The following STXBP5L variants were observed in gnomAD, a reference collection of about 807,000 sequenced individuals.
The protein encoded by STXBP5L is syntaxin binding protein 5L.
Under a neutral mutation model 144.5 loss-of-function variants are expected in STXBP5L, and 65 were observed. The observed-to-expected ratio is 0.45, with a 90% CI of 0.37 to 0.55. STXBP5L has a LOEUF of 0.55. Among genes scored for constraint, STXBP5L ranks in the 20% least tolerant of loss-of-function variants. The probability of loss-of-function intolerance (pLI) is 0.00; values close to 1 mark genes in which losing one functional copy is unlikely to be tolerated. For synonymous variants in STXBP5L, 505 were observed against 469.6 expected (o/e 1.08, Z -0.97); for missense variants, 1,298 against 1,405.5 (o/e 0.92, Z 1.22).
At chr3:121,186,735 C>T (rs1315896190) in intron 9 of STXBP5L, among the ~76,000 whole-genome samples, 1 of 152,058 alleles carries the variant, frequency 6.6e-6, no homozygotes, top group Non-Finnish European at 1.5e-5. Context: ...CAAACAACCC[C>T]ATCAACAAGT....
At chr3:121,263,840 G>C (rs956135164) in intron 18 of STXBP5L, among the ~76,000 whole-genome samples, 1 of 152,164 alleles carries the variant, frequency 6.6e-6, no homozygotes, top group Non-Finnish European at 1.5e-5. Context: ...TGTTTGATTG[G>C]TGTACCTGAA....
At chr3:121,016,343 T>C (rs1226381008) in intron 3 of STXBP5L, among the ~76,000 whole-genome samples, 5 of 152,160 alleles carry the variant, frequency 3.3e-5, no homozygotes, top group Non-Finnish European at 7.4e-5. Flanking sequence ...AGATTTAATG[T>C]AGAGATTAGA....
intron 5 of STXBP5L, among the ~76,000 whole-genome samples, chr3:121,054,096 T>G (rs1001459146): frequency 6.6e-6 from 1 of 152,074 alleles, no homozygotes; most frequent in African/African-American, 2.4e-5. Context: ...AAACAACAGG[T>G]GCTGGAGAGG....
At chr3:120,950,384 A>G (rs1436962109) in intron 2 of STXBP5L, among the ~76,000 whole-genome samples, 6 of 152,072 alleles carry the variant, frequency 3.9e-5, no homozygotes, top group African/African-American at 1.4e-4. Flanking sequence ...CTATATGTCT[A>G]TCCTTATGCC....
chr3:121,007,044 T>C (rs151026941), intron 3 of STXBP5L, among the ~76,000 whole-genome samples: 2,931 of 152,140 alleles, frequency 0.019, 100 homozygotes, highest in African/African-American at 0.067. Context: ...TTGCTCTTCT[T>C]GAGGAGTATC....
chr3:121,290,658 C>CA (rs2051404822), intron 19 of STXBP5L, among the ~76,000 whole-genome samples: 1 of 152,072 alleles, frequency 6.6e-6, no homozygotes, highest in Admixed American at 6.6e-5. Context: ...ATATCCTCAA[C>CA]AAAATACTAG....
intron 3 of STXBP5L, among the ~76,000 whole-genome samples, chr3:120,966,115 G>T (rs1939538709): frequency 6.6e-6 from 1 of 152,046 alleles, no homozygotes; most frequent in African/African-American, 2.4e-5. Context: ...TTGTGCCATG[G>T]TTTTCAGCTC....
At position 121,080,871 on chromosome 3, in the gene STXBP5L, T is replaced by A. The variant is rs999210282; in HGVS notation, c.471-34054T>A. The stretch of plus-strand genomic sequence containing the variant: ...TAATTTTTTTGTGATGAATTTCCCA[T>A]AAGTTATTTGAGCTTCTTGTATTTG... On this transcript the variant is annotated intron_variant, in intron 5 of 26. Coordinates refer to ENST00000471454, the MANE Select transcript of STXBP5L (RefSeq NM_001308330.2). 1.2e-4 allele frequency among the ~76,000 whole-genome samples: 18 copies of A among 152,296 alleles called. 1 individual carries two copies. Among genetic ancestry groups the A allele is most frequent in the South Asian group, 1.0e-3 (5 of 4,826 alleles).
chr3:121,210,521 A>G (rs1366355784), intron 10 of STXBP5L, among the ~76,000 whole-genome samples: 6 of 152,262 alleles, frequency 3.9e-5, no homozygotes, highest in African/African-American at 1.2e-4. Context: ...TATGTCCTGC[A>G]TGGTATTGCC....
intron 20 of STXBP5L, among the ~76,000 whole-genome samples, chr3:121,350,280 A>G (rs975894181): frequency 1.3e-5 from 2 of 152,134 alleles, no homozygotes; most frequent in African/African-American, 2.4e-5. Context: ...AATGTTGAAT[A>G]TTGGCCTCCA....
At chr3:121,061,616 G>C (rs2041282098) in intron 5 of STXBP5L, among the ~76,000 whole-genome samples, 1 of 152,122 alleles carries the variant, frequency 6.6e-6, no homozygotes, top group Admixed American at 6.5e-5. Context: ...TCTCTTTGTA[G>C]GTCTCTAAGA....
Position 121,109,855 on chromosome 3 carries a change from T to C in STXBP5L, c.471-5070T>C, listed in dbSNP as rs146158716. ...TATTGTGGGAGTCTAAATCTTTTTG[T>C]AGGTTTCTAAGAACTTGTTTTATAA... On this transcript the variant is annotated intron_variant, in intron 5 of 26. Transcript: ENST00000471454. Among the ~76,000 whole-genome samples, 192 of 152,342 alleles carry C rather than the reference T, an allele frequency of 1.3e-3. 2 individuals are homozygous for C. Among genetic ancestry groups the C allele is most frequent in the South Asian group, 3.9e-3 (19 of 4,832 alleles).
chr3:121,097,958 T>C (rs888256461), intron 5 of STXBP5L, among the ~76,000 whole-genome samples: 1 of 152,170 alleles, frequency 6.6e-6, no homozygotes, highest in African/African-American at 2.4e-5. Flanking sequence ...CAAGCAATAC[T>C]CCCATTTTTT....
At position 121,024,352 on chromosome 3, in the gene STXBP5L, T is replaced by C. The variant is rs186880691; in HGVS notation, c.288-17348T>C. On this transcript the variant is annotated intron_variant, in intron 3 of 26. Transcript: ENST00000471454. ...TATGCCATTAGGGAATTAGGATGGGTCTAGAGTGGCTTTACTTTAGGAATT... is the reference window on the plus strand; with the variant it reads ...TATGCCATTAGGGAATTAGGATGGGCCTAGAGTGGCTTTACTTTAGGAATT... 3.3e-5 allele frequency among the ~76,000 whole-genome samples: 5 copies of C among 152,288 alleles called. No individual in the cohort carries two copies. The East Asian group carries it at 9.7e-4, about 29-fold the overall frequency.
chr3:121,386,975 G>T (rs568237553), intron 22 of STXBP5L, among the ~76,000 whole-genome samples: 2 of 152,238 alleles, frequency 1.3e-5, no homozygotes, highest in East Asian at 3.9e-4. Context: ...TTGAGGAATT[G>T]CCACACTGTC....
rs911735039 is a variant in STXBP5L at position 121,196,313 on chromosome 3, A to G, written c.878-9610A>G. On this transcript the variant is annotated intron_variant, in intron 9 of 26. Coordinates refer to ENST00000471454, the MANE Select transcript of STXBP5L (RefSeq NM_001308330.2). The stretch of plus-strand genomic sequence containing the variant: ...ACATGCCTGGCTAATTTTTTTTTGT[A>G]TTTTTAGTAGAGATGGGATTTCATC... Among the ~76,000 whole-genome samples the G allele has an allele frequency of 1.1e-4, 16 of 150,550 alleles. No individual in the cohort carries two copies. The East Asian group carries it at 3.1e-3, about 30-fold the overall frequency.
intron 22 of STXBP5L, among the ~76,000 whole-genome samples, chr3:121,384,701 A>T (rs574429160): frequency 1.8e-4 from 28 of 152,070 alleles, no homozygotes; most frequent in Non-Finnish European, 2.8e-4. Context: ...TCAGTACAAA[A>T]CTTGTGATGC....
rs571146769 is a variant in STXBP5L, at chr3:121,086,013, C to A, written c.471-28912C>A. Among the ~76,000 whole-genome samples, 36 of 152,196 alleles carry A rather than the reference C, an allele frequency of 2.4e-4. No individual in the cohort carries two copies. In the South Asian group the frequency reaches 4.1e-3, roughly 18 times the overall value. On this transcript the variant is annotated intron_variant, in intron 5 of 26. Coordinates refer to ENST00000471454, the MANE Select transcript of STXBP5L (RefSeq NM_001308330.2). Reference sequence around the variant, plus strand: ...CAGAATAAAGATCTCAGAAATAAGACCACACATCTACATCTGATCTTAGAC... The same window carrying A: ...CAGAATAAAGATCTCAGAAATAAGAACACACATCTACATCTGATCTTAGAC...
At chr3:121,344,932 T>C (rs981698813) in intron 20 of STXBP5L, among the ~76,000 whole-genome samples, 2 of 150,052 alleles carry the variant, frequency 1.3e-5, no homozygotes, top group African/African-American at 4.9e-5. Context: ...GTATATAAGA[T>C]TATAAGATCT....
Sources: gnomAD v4.1 joint callset for allele counts (sites outside exome capture counted in the v4.1 genomes callset) on GRCh38, gnomAD v4.1.1 for gene constraint, MANE v1.5 for transcripts, NCBI Gene and HGNC (gene_info 2026-07-23, HGNC 2026-07-21) for gene names.